Variants in SVEP1 observed in about 807,000 individuals in gnomAD.
SVEP1 encodes the protein sushi, von Willebrand factor type A, EGF and pentraxin domain containing 1.
A neutral mutation model predicts 367.3 loss-of-function variants in SVEP1; 164 were observed. The ratio of observed to expected loss-of-function variants is 0.45; its 90% CI spans 0.39 to 0.51. SVEP1 has a LOEUF of 0.51. Among genes scored for constraint, SVEP1 ranks in the 20% least tolerant of loss-of-function variants. The pLI, the probability that SVEP1 is intolerant of heterozygous loss-of-function variation, is 0.00. For synonymous variants in SVEP1, 1,666 were observed against 1,611.6 expected, an observed-to-expected ratio of 1.03 and a Z score of -0.81; for missense variants, 4,117 against 4,425.3, an observed-to-expected ratio of 0.93 and a Z score of 1.98.
At chr9:110,435,055 T>C (rs1032391761) in intron 29 of SVEP1, among the ~76,000 whole-genome samples, 186 bp downstream of exon 29, 1 of 152,220 alleles carries the variant, frequency 6.6e-6, no homozygotes, top group Non-Finnish European at 1.5e-5. Context: ...ATACAGAATA[T>C]ATTTTTGCAT....
At chr9:110,448,535 T>A (rs1260545725) in intron 24 of SVEP1, among the ~76,000 whole-genome samples, 1 of 152,212 alleles carries the variant, frequency 6.6e-6, no homozygotes. Context: ...AAATCTATTT[T>A]GACTATAATT....
intron 14 of SVEP1, among the ~76,000 whole-genome samples, chr9:110,473,207 T>C (rs903541712): frequency 1.3e-5 from 2 of 152,238 alleles, no homozygotes; most frequent in African/African-American, 4.8e-5. Context: ...ACTTTTTGGC[T>C]TTATTTATGC....
chr9:110,503,822 C>T (rs1277798029), intron 5 of SVEP1, among the ~76,000 whole-genome samples: 2 of 152,110 alleles, frequency 1.3e-5, no homozygotes, highest in Non-Finnish European at 2.9e-5. Context: ...CGAATCTTGA[C>T]TTATGCATTA....
rs891994031 is a variant in SVEP1, at chr9:110,407,400, T to C, written c.8200A>G (p.Ser2734Gly). 1.1e-5 allele frequency: 18 copies of C among 1,613,904 alleles called. No homozygotes were observed. The African/African-American group carries it at 2.3e-4, about 20-fold the overall frequency. The change falls in exon 38 of 48, where the codon AGC (serine) becomes GGC (glycine). Residue 2734 changes from serine (S) to glycine (G), a missense_variant. Transcript: ENST00000374469. The stretch of plus-strand genomic sequence containing the variant: ...CTATACTGCACAGCACTTCCCATGC[T>C]AGTCTCTGTAAAACGCAAAAAGCCA... ...ENGFLRFTET[S>G]MGSAVQYSCK...
At chr9:110,534,151 T>C (rs1184411676) in intron 3 of SVEP1, among the ~76,000 whole-genome samples, 1 of 152,154 alleles carries the variant, frequency 6.6e-6, no homozygotes, top group Non-Finnish European at 1.5e-5. Flanking sequence ...ACCCAATAGT[T>C]ATTTTTTCTG....
At chr9:110,462,388 G>C (rs1369750082) in intron 18 of SVEP1, among the ~76,000 whole-genome samples, 1 of 151,788 alleles carries the variant, frequency 6.6e-6, no homozygotes, top group African/African-American at 2.4e-5. Context: ...TATTGTCCAA[G>C]GGCAGACAGT....
At chr9:110,377,167 A>G in intron 45 of SVEP1, 104 bp downstream of exon 45, 1 of 1,014,552 alleles carries the variant, frequency 9.9e-7, no homozygotes, top group Admixed American at 2.2e-5. Flanking sequence ...CTTACAGCAA[A>G]TGAATTCTTC....
intron 9 of SVEP1, 35 bp downstream of exon 9, chr9:110,489,615 T>A (rs2118725282): frequency 1.3e-6 from 2 of 1,585,310 alleles, no homozygotes; most frequent in East Asian, 2.3e-5. Context: ...CAAGATGACG[T>A]TTGGATGGGG....
intron 25 of SVEP1, among the ~76,000 whole-genome samples, chr9:110,446,309 CTA>C (rs1828598341): frequency 6.6e-6 from 1 of 152,172 alleles, no homozygotes; most frequent in Non-Finnish European, 1.5e-5. Flanking sequence ...AACTGAAATG[CTA>C]CTAAAGCCAG....
rs1454973513 is a variant in SVEP1 at position 110,513,019 on chromosome 9, C to T, written c.1210G>A (p.Val404Ile). 1 of 1,613,994 alleles carries T rather than the reference C, an allele frequency of 6.2e-7. No individual in the cohort carries two copies. Among genetic ancestry groups the T allele is most frequent in the Non-Finnish European group, 8.5e-7 (1 of 1,179,878 alleles). The change falls in exon 5 of 48, where the codon GTC becomes ATC. Residue 404 changes from valine to isoleucine, a missense_variant. Physicochemically the swap from Val to Ile is conservative, Grantham distance 29. Coordinates refer to ENST00000374469, the MANE Select transcript of SVEP1 (RefSeq NM_153366.4). ...CNNHFNAACG[V>I]RCHPGFDLVG... ...AGATCAAATCCAGGGTGACATCGGA[C>T]CCCACAGGCTGCATTGAAGTGGTTG... is the stretch of plus-strand genomic sequence containing the variant.
In SVEP1 at chr9:110,435,265, C is replaced by T. The variant is rs775952238; in HGVS notation, c.4864G>A (p.Asp1622Asn). Residue 1622 changes from aspartate (D) to asparagine (N), a missense_variant, in exon 29 of 48, where the codon GAT (aspartate) becomes AAT (asparagine). Around this residue, in one of 4 missense-constraint regions of SVEP1, gnomAD observed 2,174 missense variants for 2,494.3 expected, o/e 0.87. Coordinates refer to ENST00000374469, the MANE Select transcript of SVEP1 (RefSeq NM_153366.4). ...LSGIVGKVKI[D>N]SKSIFCSDCP... ...CCAGAACAAAATATGCTCTTAGAAT[C>T]GATCTTCACTTTCCCCACAATTCCT... The T allele has an allele frequency of 3.7e-5, 60 of 1,613,034 alleles. No homozygotes were observed. In the Middle Eastern group the frequency reaches 8.2e-4, roughly 22 times the overall value.
chr9:110,563,989 T>A (rs1361345371), intron 1 of SVEP1, among the ~76,000 whole-genome samples: 1 of 152,208 alleles, frequency 6.6e-6, no homozygotes, highest in East Asian at 1.9e-4. Flanking sequence ...TCTCAATCTC[T>A]GGATTGCCAC....
chr9:110,500,055 G>A (rs1362686815), intron 6 of SVEP1, among the ~76,000 whole-genome samples: 2 of 152,176 alleles, frequency 1.3e-5, no homozygotes, highest in Non-Finnish European at 2.9e-5. Flanking sequence ...TGAAAACTGA[G>A]CACACTAGTA....
At chr9:110,460,765 A>G (rs1257309398) in intron 18 of SVEP1, among the ~76,000 whole-genome samples, 7 of 152,218 alleles carry the variant, frequency 4.6e-5, no homozygotes, top group Non-Finnish European at 1.0e-4. Context: ...AAGAAAAAAA[A>G]AAAAGAAAAT....
intron 1 of SVEP1, among the ~76,000 whole-genome samples, chr9:110,571,112 G>A (rs1215976459): frequency 6.6e-6 from 1 of 151,778 alleles, no homozygotes. Flanking sequence ...GAGTAGCTGG[G>A]ATTACTGGCA....
chr9:110,444,492 T>A (rs373651448), intron 26 of SVEP1, among the ~76,000 whole-genome samples: 8 of 152,306 alleles, frequency 5.3e-5, no homozygotes, highest in African/African-American at 1.9e-4. Flanking sequence ...ACTAAGACAG[T>A]TGCTCATGTA....
At chr9:110,376,264 C>T (rs1002351989) in intron 45 of SVEP1, among the ~76,000 whole-genome samples, 1 of 151,802 alleles carries the variant, frequency 6.6e-6, no homozygotes, top group African/African-American at 2.4e-5. Context: ...GGCACATGCT[C>T]AGTGAGCCAG....
chr9:110,541,846 TCTATATATATCTATATACATA>T (rs1830152483), intron 3 of SVEP1, among the ~76,000 whole-genome samples: 21 of 139,992 alleles, frequency 1.5e-4, no homozygotes, highest in Non-Finnish European at 2.9e-4. Context: ...TACATAGATA[TCTATATATATCTATATACATA>T]GATATCTATA....
At chr9:110,570,440 G>A (rs1364677880) in intron 1 of SVEP1, among the ~76,000 whole-genome samples, 1 of 149,724 alleles carries the variant, frequency 6.7e-6, no homozygotes, top group African/African-American at 2.5e-5. Context: ...CTGACTTCTG[G>A]GAAACTAAGA....
Sources: allele counts gnomAD v4.1 joint callset (sites outside exome capture counted in the v4.1 genomes callset), GRCh38; gene constraint gnomAD v4.1.1; regional missense constraint gnomAD v4.1.1; transcripts MANE v1.5; gene names NCBI Gene and HGNC (gene_info 2026-07-23, HGNC 2026-07-21).